IQGAP1: variants seen among roughly 807,000 people sequenced by gnomAD.
The protein encoded by IQGAP1 is IQ motif containing GTPase activating protein 1, also known as ras GTPase-activating-like protein IQGAP1.
A neutral mutation model predicts 215.6 loss-of-function variants in IQGAP1; 66 were observed. The observed-to-expected ratio is 0.31, with a 90% CI of 0.25 to 0.38. The LOEUF is 0.38. Ranked by LOEUF, IQGAP1 falls within the 10% of genes least tolerant of loss-of-function variation. IQGAP1 has a pLI of 1.00. For missense variants in IQGAP1, 1,712 were observed against 1,997.1 expected, an observed-to-expected ratio of 0.86 and a Z score of 2.72; for synonymous variants, 772 against 728.7, an observed-to-expected ratio of 1.06 and a Z score of -0.96.
chr15:90,490,468 G>T (rs2151038835), intron 33 of IQGAP1, among the ~76,000 whole-genome samples: 2 of 110,020 alleles, frequency 1.8e-5, no homozygotes, highest in Non-Finnish European at 3.9e-5. Flanking sequence ...ATGAAGGATG[G>T]CGACTATGAA....
chr15:90,459,536 A>ACTCAAACTTTTT (rs1965732376), intron 15 of IQGAP1, among the ~76,000 whole-genome samples: 1 of 152,228 alleles, frequency 6.6e-6, no homozygotes, highest in South Asian at 2.1e-4. Flanking sequence ...ATGTGACTAT[A>ACTCAAACTTTTT]GAGTTTGAAG....
At position 90,467,519 on chromosome 15, in the gene IQGAP1, C is replaced by G; in HGVS notation, c.2105C>G (p.Thr702Ser). The change falls in exon 18 of 38, where the codon ACC becomes AGC. Residue 702 changes from threonine to serine, a missense_variant. Thr to Ser is a moderately conservative substitution (Grantham distance 58). Coordinates refer to ENST00000268182, the MANE Select transcript of IQGAP1 (RefSeq NM_003870.4). Reference protein sequence around the residue: ...GGYYYYHNLETQEGGWDEPPN... With the variant: ...GGYYYYHNLESQEGGWDEPPN... ...TATTATTATTACCACAATCTGGAGA[C>G]CCAGGAAGGAGGATGGGATGAACCT... is the stretch of plus-strand genomic sequence containing the variant. 1 of 1,612,368 alleles carries G rather than the reference C, an allele frequency of 6.2e-7. No homozygotes were observed. The highest frequency in any genetic ancestry group is 8.5e-7 in the Non-Finnish European group (1 of 1,179,218).
At chr15:90,393,676 T>C (rs1025724477) in intron 2 of IQGAP1, 5 of 152,204 alleles carry the variant, frequency 3.3e-5, no homozygotes, top group African/African-American at 1.2e-4. Flanking sequence ...TATTTCTTCA[T>C]CAGGTTCTGC....
chr15:90,388,313 T>C lies in IQGAP1; in HGVS notation c.-29T>C. On this transcript the variant is annotated 5_prime_UTR_variant, in exon 1 of 38. Transcript: ENST00000268182. The stretch of plus-strand genomic sequence containing the variant: ...TCCGCGCCTCCAAGGTTTCACGGCT[T>C]CCTCAGCAGAGACTCGGGCTCGTCC... The C allele has an allele frequency of 6.3e-7, 1 of 1,597,706 alleles. No individual in the cohort carries two copies. Among genetic ancestry groups the C allele is most frequent in the Non-Finnish European group, 8.5e-7 (1 of 1,173,500 alleles).
chr15:90,471,586 G>A (rs966214002), intron 18 of IQGAP1, among the ~76,000 whole-genome samples: 10 of 150,976 alleles, frequency 6.6e-5, no homozygotes, highest in African/African-American at 2.0e-4. Flanking sequence ...CACAGCTTCC[G>A]CCTCCCAGGT....
chr15:90,412,575 C>G (rs1449289847), intron 2 of IQGAP1, among the ~76,000 whole-genome samples: 2 of 152,168 alleles, frequency 1.3e-5, no homozygotes, highest in Admixed American at 6.5e-5. Flanking sequence ...ATCCTGATTC[C>G]CCTCTTTCTG....
intron 30 of IQGAP1, 137 bp downstream of exon 30, chr15:90,484,489 T>C (rs943612528): frequency 1.4e-5 from 9 of 636,330 alleles, no homozygotes; most frequent in Non-Finnish European, 2.4e-5. Context: ...GTCTCTTTTT[T>C]TGCTTGTTAT....
Position 90,474,335 on chromosome 15 carries a change from G to A in IQGAP1, c.2576-150G>A, listed in dbSNP as rs1005637181. 4.4e-5 allele frequency: 34 copies of A among 768,352 alleles called. 1 individual carries two copies. The highest frequency in any genetic ancestry group is 3.3e-4 in the Admixed American group (14 of 42,158). The allele number at this position is 768,352 out of a possible 1,614,324, so 47.6% of individuals were successfully genotyped here. On this transcript the variant is annotated intron_variant, in intron 22 of 37. Coordinates refer to ENST00000268182, the MANE Select transcript of IQGAP1 (RefSeq NM_003870.4). ...TAACCTTTATCATAACATAGCAATA[G>A]CCTGACACAGAAGACTGCACCTGAT...
chr15:90,491,209 G>A, intron 33 of IQGAP1, 124 bp from the exon 34 acceptor site: 1 of 747,636 alleles, frequency 1.3e-6, no homozygotes, highest in Non-Finnish European at 2.2e-6. Context: ...GGCAGAATTT[G>A]TTTCCTTCTG....
chr15:90,501,302 A>G lies in IQGAP1; in HGVS notation c.*1194A>G, dbSNP rs749941967. 6.6e-6 allele frequency: 1 copy of G among 151,452 alleles called. No individual in the cohort carries two copies. The highest frequency in any genetic ancestry group is 1.5e-5 in the Non-Finnish European group (1 of 67,892). 9.4% of individuals were successfully genotyped at this position (151,452 alleles called of 1,614,324 possible). A position where few individuals can be genotyped will look rare whatever the true frequency, so the allele number is the denominator to read the frequency against. ...ATTGTGCCTTTATTTTATGAGCCCCAGTTTTCTGGGCTTAGTTTAAAAAAA... is the reference window on the plus strand; with the variant it reads ...ATTGTGCCTTTATTTTATGAGCCCCGGTTTTCTGGGCTTAGTTTAAAAAAA... On this transcript the variant is annotated 3_prime_UTR_variant, in exon 38 of 38. Coordinates refer to ENST00000268182, the MANE Select transcript of IQGAP1 (RefSeq NM_003870.4).
intron 8 of IQGAP1, among the ~76,000 whole-genome samples, 175 bp from the exon 9 acceptor site, chr15:90,443,219 C>T (rs926951811): frequency 1.3e-4 from 20 of 152,190 alleles, no homozygotes; most frequent in African/African-American, 4.8e-4. Context: ...CCTTGGCCTT[C>T]CAAAGCACTG....
chr15:90,482,365 C>A (rs1966071352), intron 28 of IQGAP1, 84 bp downstream of exon 28: 4 of 1,307,060 alleles, frequency 3.1e-6, no homozygotes, highest in South Asian at 2.4e-5. Flanking sequence ...TTACTAACTG[C>A]CTAAGTGTAG....
chr15:90,401,677 C>G (rs962691197), intron 2 of IQGAP1, among the ~76,000 whole-genome samples: 5 of 152,182 alleles, frequency 3.3e-5, no homozygotes, highest in African/African-American at 9.7e-5. Flanking sequence ...CTACATTTAA[C>G]AGATAAGAAA....
intron 2 of IQGAP1, among the ~76,000 whole-genome samples, chr15:90,401,045 C>T (rs1022046286): frequency 6.6e-6 from 1 of 152,150 alleles, no homozygotes; most frequent in Non-Finnish European, 1.5e-5. Flanking sequence ...ATTCATATTA[C>T]TGTGGTTGTT....
chr15:90,470,065 G>C (rs1227817090), intron 18 of IQGAP1, among the ~76,000 whole-genome samples: 1 of 152,160 alleles, frequency 6.6e-6, no homozygotes, highest in Non-Finnish European at 1.5e-5. Context: ...ACTCATGTTT[G>C]AATAGTGTTT....
At chr15:90,396,978 G>A (rs1011192953) in intron 2 of IQGAP1, among the ~76,000 whole-genome samples, 9 of 151,730 alleles carry the variant, frequency 5.9e-5, no homozygotes, top group Admixed American at 6.6e-5. Flanking sequence ...TCACCCTCCC[G>A]AGTAGCTGGG....
intron 29 of IQGAP1, 33 bp downstream of exon 29, chr15:90,483,626 C>T (rs1435720910): frequency 7.0e-7 from 1 of 1,433,714 alleles, no homozygotes; most frequent in Non-Finnish European, 9.7e-7. Context: ...TTAAGAGAGT[C>T]TGTGGATGTA....
At chr15:90,462,261 T>G (rs1179852184) in intron 15 of IQGAP1, among the ~76,000 whole-genome samples, 2 of 152,270 alleles carry the variant, frequency 1.3e-5, no homozygotes. Flanking sequence ...AGTAATCAGC[T>G]GGTTCACACC....
chr15:90,461,367 C>T (rs961922940), intron 15 of IQGAP1, among the ~76,000 whole-genome samples: 3 of 152,100 alleles, frequency 2.0e-5, no homozygotes, highest in African/African-American at 7.2e-5. Context: ...GTTTGTTTTT[C>T]ATGGTGGAGA....
Sources: gnomAD v4.1 joint callset for allele counts (sites outside exome capture counted in the v4.1 genomes callset) on GRCh38, gnomAD v4.1.1 for gene constraint, MANE v1.5 for transcripts, NCBI Gene and HGNC (gene_info 2026-07-23, HGNC 2026-07-21) for gene names.